MT3: variants seen among roughly 807,000 people sequenced by gnomAD.
MT3 encodes metallothionein-3.
MT3 carries 8 observed loss-of-function variants against 10.9 expected under a neutral mutation model. The observed-to-expected ratio is 0.73, with a 90% CI of 0.43 to 1.33. The LOEUF is 1.33. Among genes scored for constraint, MT3 ranks in the 40% most tolerant of loss-of-function variants. The probability of loss-of-function intolerance (pLI) is 0.01; values close to 1 mark genes in which losing one functional copy is unlikely to be tolerated. For synonymous variants in MT3, 32 were observed against 29.9 expected, an observed-to-expected ratio of 1.07 and a Z score of -0.23; for missense variants, 75 against 83.9, an observed-to-expected ratio of 0.89 and a Z score of 0.41.
intron 2 of MT3, 31 bp downstream of exon 2, chr16:56,589,966 C>T: frequency 6.2e-7 from 1 of 1,610,698 alleles, no homozygotes; most frequent in African/African-American, 1.3e-5. Context: ...CCTCTGCCGC[C>T]GCCCCCTCTG....
At position 56,589,537 on chromosome 16, in the gene MT3, G is replaced by A; in HGVS notation, c.-54G>A. On this transcript the variant is annotated 5_prime_UTR_variant, in exon 1 of 3. Transcript: ENST00000200691. ...CCTGCTGCCACTAGCCAAGCCGCGC[G>A]TCCAGTTGCTTGGAGAAGCCCGTTC... 6.6e-7 allele frequency: 1 copy of A among 1,522,522 alleles called. No individual in the cohort carries two copies. Among genetic ancestry groups the A allele is most frequent in the Non-Finnish European group, 8.8e-7 (1 of 1,138,866 alleles). 94.3% of individuals were successfully genotyped at this position (1,522,522 alleles called of 1,614,324 possible). A position where few individuals can be genotyped will look rare whatever the true frequency, so the allele number is the denominator to read the frequency against.
In MT3 at chr16:56,589,633, C is replaced by T. The variant is rs1353360455; in HGVS notation, c.31+12C>T. ...CCCCTGCCCTTCTGGTGAGCCCCCG[C>T]CCCCGCTCGCATCCTGCGCACTGCG... On this transcript the variant is annotated intron_variant, in intron 1 of 2. Transcript: ENST00000200691. 2 of 1,605,390 alleles carry T rather than the reference C, an allele frequency of 1.2e-6. No homozygotes were observed. The highest frequency in any genetic ancestry group is 1.3e-5 in the African/African-American group (1 of 74,918).
chr16:56,589,880 CA>C lies in MT3; in HGVS notation c.43del (p.Thr15ProfsTer93). ...TCPCPSGGSCTCADSCKCEGC... is the reference protein window; with the variant it reads ...TCPCPSGGSCXCADSCKCEGC... ...CGTCGCCCTCTCTAGGTGGCTCCTG[CA>C]CCTGCGCGGACTCCTGCAAGTGCGA... On this transcript the variant is annotated frameshift_variant, in exon 2 of 3. Coordinates refer to ENST00000200691, the MANE Select transcript of MT3 (RefSeq NM_005954.4). LOFTEE classifies it high-confidence loss of function. The C allele has an allele frequency of 6.2e-7, 1 of 1,614,122 alleles. No homozygotes were observed. The highest frequency in any genetic ancestry group is 8.5e-7 in the Non-Finnish European group (1 of 1,180,012).
chr16:56,590,748 G>A, intron 2 of MT3, 92 bp from the exon 3 acceptor site: 14 of 1,264,426 alleles, frequency 1.1e-5, no homozygotes, highest in South Asian at 7.8e-5. Flanking sequence ...GAACCAGGAT[G>A]ACTCCCCACC....
In MT3 at chr16:56,590,914, G is replaced by A. The variant is rs1959814379; in HGVS notation, c.172G>A (p.Glu58Lys). The A allele has an allele frequency of 1.9e-6, 3 of 1,613,970 alleles. No individual in the cohort carries two copies. The highest frequency in any genetic ancestry group is 2.5e-6 in the Non-Finnish European group (3 of 1,179,998). Residue 58 changes from glutamate to lysine, a missense_variant, in exon 3 of 3, where the codon GAG (glutamate) becomes AAG (lysine). By Grantham distance (56) the Glu-to-Lys change is moderately conservative. Transcript: ENST00000200691. ...DCVCKGGEAAEAEAEKCSCCQ is the reference protein window; with the variant it reads ...DCVCKGGEAAKAEAEKCSCCQ ...TGTGTGCAAAGGCGGAGAGGCAGCT[G>A]AGGCAGAAGCAGAGAAGTGCAGCTG...
In MT3 at chr16:56,589,943, CGG is replaced by C; in HGVS notation, c.97+11_97+12del. 1 of 1,613,858 alleles carries C rather than the reference CGG, an allele frequency of 6.2e-7. No individual in the cohort carries two copies. Among genetic ancestry groups the C allele is most frequent in the Non-Finnish European group, 8.5e-7 (1 of 1,179,942 alleles). On this transcript the variant is annotated intron_variant, in intron 2 of 2. Transcript: ENST00000200691. ...GCACCTCCTGCAAGAAGAGTGAGTGCGGGGACCCTTCCCCTCTGCCGCCGCCC... is the reference window on the plus strand; with the variant it reads ...GCACCTCCTGCAAGAAGAGTGAGTGCGGACCCTTCCCCTCTGCCGCCGCCC...
chr16:56,589,571 C>A lies in MT3; in HGVS notation c.-20C>A. Reference sequence around the variant, plus strand: ...CTTGGAGAAGCCCGTTCACCGCCTCCAGCTGCTGCTCTCCTCGACATGGAC... The same window carrying A: ...CTTGGAGAAGCCCGTTCACCGCCTCAAGCTGCTGCTCTCCTCGACATGGAC... On this transcript the variant is annotated 5_prime_UTR_variant, in exon 1 of 3. Coordinates refer to ENST00000200691, the MANE Select transcript of MT3 (RefSeq NM_005954.4). The A allele has an allele frequency of 6.4e-7, 1 of 1,558,966 alleles. No homozygotes were observed.
rs1172097283 is a variant in MT3, at chr16:56,590,836, G to T, written c.98-4G>T. On this transcript the variant is annotated splice_region_variant and splice_polypyrimidine_tract_variant and intron_variant, in intron 2 of 2. Coordinates refer to ENST00000200691, the MANE Select transcript of MT3 (RefSeq NM_005954.4). ...AGAGTGGTCATCTTCCATTTTATCT[G>T]CAGGCTGCTGCTCCTGCTGCCCTGC... The T allele has an allele frequency of 6.2e-7, 1 of 1,612,800 alleles. No homozygotes were observed. The highest frequency in any genetic ancestry group is 8.5e-7 in the Non-Finnish European group (1 of 1,179,474).
rs766523999 is a variant in MT3, at chr16:56,589,947, G to A, written c.97+12G>A. ...CTCCTGCAAGAAGAGTGAGTGCGGG[G>A]ACCCTTCCCCTCTGCCGCCGCCCCC... On this transcript the variant is annotated intron_variant, in intron 2 of 2. Transcript: ENST00000200691. The A allele has an allele frequency of 4.3e-6, 7 of 1,613,718 alleles. No individual in the cohort carries two copies. The East Asian group carries it at 1.6e-4, about 36-fold the overall frequency.
chr16:56,590,431 A>C, intron 2 of MT3: 6 of 463,920 alleles, frequency 1.3e-5, no homozygotes, highest in Non-Finnish European at 2.3e-5. Flanking sequence ...ACAGGTCCCC[A>C]CCGCCTCCCC....
intron 1 of MT3, 113 bp downstream of exon 1, chr16:56,589,734 C>T (rs1172146898): frequency 6.3e-7 from 1 of 1,582,044 alleles, no homozygotes; most frequent in South Asian, 1.1e-5. Flanking sequence ...CCCTGATTCC[C>T]TATTCTTCAC....
At position 56,590,892 on chromosome 16, in the gene MT3, G is replaced by T; in HGVS notation, c.150G>T (p.Val50=). 1 of 1,614,094 alleles carries T rather than the reference G, an allele frequency of 6.2e-7. No individual in the cohort carries two copies. Among genetic ancestry groups the T allele is most frequent in the African/African-American group, 1.3e-5 (1 of 75,062 alleles). The change falls in exon 3 of 3, where the codon GTG becomes GTT. Residue 50 remains valine (V), a synonymous_variant. Transcript: ENST00000200691. ...AECEKCAKDC[V]CKGGEAAEAE... Reference sequence around the variant, plus strand: ...GTGAGAAGTGTGCCAAGGACTGTGTGTGCAAAGGCGGAGAGGCAGCTGAGG... The same window carrying T: ...GTGAGAAGTGTGCCAAGGACTGTGTTTGCAAAGGCGGAGAGGCAGCTGAGG...
intron 1 of MT3, 27 bp downstream of exon 1, chr16:56,589,648 T>C (rs1959797200): frequency 1.9e-6 from 3 of 1,605,302 alleles, no homozygotes; most frequent in African/African-American, 2.7e-5. Context: ...GCTCGCATCC[T>C]GCGCACTGCG....
Position 56,589,904 on chromosome 16 carries a change from C to T in MT3, c.66C>T (p.Cys22=), listed in dbSNP as rs1410704279. The T allele has an allele frequency of 6.2e-7, 1 of 1,613,982 alleles. No homozygotes were observed. The highest frequency in any genetic ancestry group is 2.2e-5 in the East Asian group (1 of 44,880). The part of the protein sequence containing the change: ...GSCTCADSCK[C]EGCKCTSCKK... ...GCACCTGCGCGGACTCCTGCAAGTG[C>T]GAGGGATGCAAATGCACCTCCTGCA... Residue 22 remains cysteine, a synonymous_variant, in exon 2 of 3, where the codon TGC becomes TGT. Transcript: ENST00000200691.
At position 56,590,960 on chromosome 16, in the gene MT3, C is replaced by G; in HGVS notation, c.*11C>G. 2 of 1,610,000 alleles carry G rather than the reference C, an allele frequency of 1.2e-6. No homozygotes were observed. Among genetic ancestry groups the G allele is most frequent in the Non-Finnish European group, 8.5e-7 (1 of 1,177,928 alleles). On this transcript the variant is annotated 3_prime_UTR_variant, in exon 3 of 3. Transcript: ENST00000200691. Reference sequence around the variant, plus strand: ...AGCTGCTGCCAGTGAGAAGGCACCCCTCCGTGTGGAGCACGTGGAGATAGT... The same window carrying G: ...AGCTGCTGCCAGTGAGAAGGCACCCGTCCGTGTGGAGCACGTGGAGATAGT...
At chr16:56,590,693 C>A in intron 2 of MT3, 147 bp from the exon 3 acceptor site, 1 of 707,466 alleles carries the variant, frequency 1.4e-6, no homozygotes, top group Non-Finnish European at 2.4e-6. Flanking sequence ...TGAGTCAAAG[C>A]AGGTGTGAGA....
intron 1 of MT3, 102 bp downstream of exon 1, chr16:56,589,723 C>T (rs1959798589): frequency 6.3e-7 from 1 of 1,585,194 alleles, no homozygotes; most frequent in East Asian, 2.2e-5. Context: ...GGGGGAAGGG[C>T]CCCTGATTCC....
At chr16:56,589,997 A>G in intron 2 of MT3, 62 bp downstream of exon 2, 2 of 1,555,796 alleles carry the variant, frequency 1.3e-6, no homozygotes, top group South Asian at 1.1e-5. Flanking sequence ...TCGGTGTCTC[A>G]CCACGCAGGA....
rs376369913 is a variant in MT3 at position 56,590,902 on chromosome 16, G to A, written c.160G>A (p.Gly54Arg). ...TGCCAAGGACTGTGTGTGCAAAGGC[G>A]GAGAGGCAGCTGAGGCAGAAGCAGA... The part of the protein sequence containing the change: ...KCAKDCVCKG[G>R]EAAEAEAEKC... The change falls in exon 3 of 3, where the codon GGA becomes AGA. Residue 54 changes from glycine (G) to arginine (R), a missense_variant. Physicochemically the swap from Gly to Arg is moderately radical, Grantham distance 125. Coordinates refer to ENST00000200691, the MANE Select transcript of MT3 (RefSeq NM_005954.4). 2.1e-5 allele frequency: 34 copies of A among 1,613,946 alleles called. No individual in the cohort carries two copies. Among genetic ancestry groups the A allele is most frequent in the Admixed American group, 1.0e-4 (6 of 60,006 alleles).
Sources: allele counts gnomAD v4.1 joint callset, GRCh38; gene constraint gnomAD v4.1.1; transcripts MANE v1.5; gene names NCBI Gene and HGNC (gene_info 2026-07-23, HGNC 2026-07-21).